Variants in ATP8A1 observed in about 807,000 individuals in gnomAD.
The protein encoded by ATP8A1 is ATPase phospholipid transporting 8A1.
ATP8A1 carries 90 observed loss-of-function variants against 177.7 expected under a neutral mutation model. The observed-to-expected ratio is 0.51, with a 90% CI of 0.43 to 0.60. The LOEUF (loss-of-function observed/expected upper bound fraction) is 0.60, where lower values mean the gene tolerates loss of function less well. Ranked by LOEUF, ATP8A1 falls within the 20% of genes least tolerant of loss-of-function variation. The pLI is 0.00. For synonymous variants in ATP8A1, 493 were observed against 485.9 expected, an observed-to-expected ratio of 1.01 and a Z score of -0.19; for missense variants, 1,072 against 1,392.8, an observed-to-expected ratio of 0.77 and a Z score of 3.67.
intron 15 of ATP8A1, among the ~76,000 whole-genome samples, chr4:42,557,869 C>A (rs780563943): frequency 2.0e-5 from 3 of 151,954 alleles, no homozygotes; most frequent in Non-Finnish European, 4.4e-5. Context: ...ATGATGAAAC[C>A]CCATCTCTAC....
chr4:42,625,819 C>A, intron 2 of ATP8A1, 106 bp from the exon 3 acceptor site: 1 of 540,640 alleles, frequency 1.8e-6, no homozygotes, highest in Non-Finnish European at 3.2e-6. Context: ...GAACATTTGC[C>A]GGCTGTTTCA....
At chr4:42,621,207 A>G (rs7683788) in intron 4 of ATP8A1, among the ~76,000 whole-genome samples, 34,338 of 152,172 alleles carry the variant, frequency 0.23, 4,349 homozygotes, top group Non-Finnish European at 0.29. Context: ...CCAATCAAGA[A>G]GACTATGCTG....
At chr4:42,416,272 A>C (rs1009218831) in intron 35 of ATP8A1, among the ~76,000 whole-genome samples, 3 of 152,160 alleles carry the variant, frequency 2.0e-5, no homozygotes, top group Admixed American at 6.5e-5. Context: ...GGGGTGCTGG[A>C]AAGTCTTTGG....
At chr4:42,493,357 T>C (rs1353602919) in intron 24 of ATP8A1, among the ~76,000 whole-genome samples, 2 of 152,178 alleles carry the variant, frequency 1.3e-5, no homozygotes, top group Admixed American at 1.3e-4. Flanking sequence ...TAAATGTTAT[T>C]TTGAAAAAAA....
intron 7 of ATP8A1, among the ~76,000 whole-genome samples, chr4:42,590,552 C>T (rs1215042954): frequency 1.3e-5 from 2 of 152,106 alleles, no homozygotes; most frequent in African/African-American, 4.8e-5. Context: ...AAATTAAAAT[C>T]TACCTTTACT....
intron 1 of ATP8A1, among the ~76,000 whole-genome samples, chr4:42,647,702 C>T (rs988604984): frequency 6.6e-6 from 1 of 151,872 alleles, no homozygotes; most frequent in Non-Finnish European, 1.5e-5. Context: ...GATATAAATG[C>T]TGATTTGTAA....
intron 33 of ATP8A1, among the ~76,000 whole-genome samples, chr4:42,441,223 T>C (rs1716607876): frequency 6.6e-6 from 1 of 152,182 alleles, no homozygotes; most frequent in African/African-American, 2.4e-5. Flanking sequence ...ATGTACAATA[T>C]ATTACAATAA....
At chr4:42,476,262 T>C (rs752757979) in intron 25 of ATP8A1, among the ~76,000 whole-genome samples, 2 of 152,012 alleles carry the variant, frequency 1.3e-5, no homozygotes, top group East Asian at 3.9e-4. Flanking sequence ...TCCTAGCATA[T>C]ACAAAAATAA....
intron 16 of ATP8A1, 124 bp downstream of exon 16, chr4:42,555,843 TA>T: frequency 4.9e-6 from 3 of 607,278 alleles, no homozygotes; most frequent in Non-Finnish European, 7.8e-6. Context: ...ACTAACTAAC[TA>T]AATAAATAAA....
chr4:42,638,369 C>T (rs553805991), intron 1 of ATP8A1, among the ~76,000 whole-genome samples: 1 of 152,264 alleles, frequency 6.6e-6, no homozygotes, highest in East Asian at 1.9e-4. Flanking sequence ...TTGCGACAAG[C>T]CCCTGAAGTA....
chr4:42,471,103 G>A (rs1438780221), intron 25 of ATP8A1, among the ~76,000 whole-genome samples: 4 of 152,048 alleles, frequency 2.6e-5, no homozygotes, highest in Non-Finnish European at 4.4e-5. Context: ...ACAAAATATT[G>A]TTAACTCCTC....
intron 9 of ATP8A1, among the ~76,000 whole-genome samples, chr4:42,585,433 G>A (rs1403184498): frequency 1.3e-5 from 2 of 150,100 alleles, no homozygotes; most frequent in Admixed American, 1.3e-4. Context: ...AATTCCCAAA[G>A]CGGTGTATCA....
intron 24 of ATP8A1, among the ~76,000 whole-genome samples, chr4:42,495,953 T>C (rs1333511399): frequency 6.6e-6 from 1 of 152,150 alleles, no homozygotes; most frequent in Non-Finnish European, 1.5e-5. Flanking sequence ...AATACTGTAA[T>C]TGAGGAAGTG....
rs992029127 is a variant in ATP8A1, at chr4:42,408,599, T to C, written c.*4317A>G. On this transcript the variant is annotated 3_prime_UTR_variant, in exon 37 of 37. Transcript: ENST00000381668. ...CCACAGATTCAATACTCTCCACTCA[T>C]GCAGCTTCACAATTTCTACAGCAGT... is the stretch of plus-strand genomic sequence containing the variant. The C allele has an allele frequency of 6.6e-6, 1 of 152,220 alleles. No individual in the cohort carries two copies. Among genetic ancestry groups the C allele is most frequent in the South Asian group, 2.1e-4 (1 of 4,834 alleles). The allele number at this position is 152,220 out of a possible 1,614,324, so 9.4% of individuals were successfully genotyped here. A position where few individuals can be genotyped will look rare whatever the true frequency, so the allele number is the denominator to read the frequency against.
At chr4:42,530,453 C>T (rs971481435) in intron 20 of ATP8A1, among the ~76,000 whole-genome samples, 7 of 152,234 alleles carry the variant, frequency 4.6e-5, no homozygotes, top group Non-Finnish European at 8.8e-5. Context: ...CATCTGTGGA[C>T]TCAAGATCTT....
chr4:42,626,953 G>T, intron 2 of ATP8A1, 42 bp downstream of exon 2: 1 of 1,459,648 alleles, frequency 6.9e-7, no homozygotes, highest in Non-Finnish European at 9.6e-7. Context: ...AACCAGCTCT[G>T]CTCTGCTGGC....
intron 22 of ATP8A1, among the ~76,000 whole-genome samples, chr4:42,510,950 T>C (rs1162338320): frequency 6.6e-6 from 1 of 152,200 alleles, no homozygotes. Flanking sequence ...TAGGTTAACA[T>C]GGAGTGTTGT....
At chr4:42,454,174 A>G (rs942358512) in intron 29 of ATP8A1, among the ~76,000 whole-genome samples, 1 of 152,220 alleles carries the variant, frequency 6.6e-6, no homozygotes. Context: ...GCATGTGTAC[A>G]GCTGGATACA....
chr4:42,572,866 A>G (rs1732046887), intron 14 of ATP8A1, among the ~76,000 whole-genome samples: 1 of 152,216 alleles, frequency 6.6e-6, no homozygotes, highest in Non-Finnish European at 1.5e-5. Flanking sequence ...ATTCTAGACA[A>G]AGCCAGAACT....
Sources: allele counts gnomAD v4.1 joint callset (sites outside exome capture counted in the v4.1 genomes callset), GRCh38; gene constraint gnomAD v4.1.1; transcripts MANE v1.5; gene names NCBI Gene and HGNC (gene_info 2026-07-23, HGNC 2026-07-21).